GABRA3: variants seen among roughly 807,000 people sequenced by gnomAD.
GABRA3 encodes gamma-aminobutyric acid receptor subunit alpha-3.
In GABRA3, 10 loss-of-function variants were observed where a neutral mutation model predicts 30.1. The observed-to-expected ratio is 0.33, with a 90% CI of 0.20 to 0.56. The LOEUF is 0.56. Ranked by LOEUF, GABRA3 falls within the 20% of genes least tolerant of loss-of-function variation. GABRA3 has a pLI of 0.89. For synonymous variants in GABRA3, 151 were observed against 146.8 expected, an observed-to-expected ratio of 1.03 and a Z score of -0.21; for missense variants, 233 against 392.0, an observed-to-expected ratio of 0.59 and a Z score of 3.42.
chrX:152,448,682 T>A (rs2124557921), intron 1 of GABRA3, among the ~76,000 whole-genome samples: 1 of 112,021 alleles, frequency 8.9e-6, no homozygotes, highest in East Asian at 2.8e-4. Context: ...TTCTGCATAC[T>A]GTATGAACCT....
chrX:152,318,512 G>A (rs1301689547), intron 3 of GABRA3, among the ~76,000 whole-genome samples: 1 of 110,357 alleles, frequency 9.1e-6, no homozygotes, highest in African/African-American at 3.3e-5. Context: ...ACCAGAAGAG[G>A]ACATAACAAA....
intron 1 of GABRA3, among the ~76,000 whole-genome samples, chrX:152,403,360 CA>C (rs548064240): frequency 6.3e-4 from 69 of 109,720 alleles, no homozygotes; most frequent in South Asian, 2.0e-3. Context: ...TTCATATTAG[CA>C]AAAAAACTAT....
At chrX:152,275,216 A>ATATATATACTT (rs1569378249) in intron 4 of GABRA3, among the ~76,000 whole-genome samples, 1 of 49,650 alleles carries the variant, frequency 2.0e-5, no homozygotes, top group African/African-American at 1.3e-4. Flanking sequence ...ATATAATATT[A>ATATATATACTT]TATATATATA....
At chrX:152,172,951 T>TACACACACACACACAC (rs58184376) in intron 9 of GABRA3, among the ~76,000 whole-genome samples, 1 of 102,588 alleles carries the variant, frequency 9.7e-6, no homozygotes, top group Non-Finnish European at 2.0e-5. Context: ...CGAGTATGTG[T>TACACACACACACACAC]ACACACACAC....
chrX:152,403,480 C>A (rs1289374777), intron 1 of GABRA3, among the ~76,000 whole-genome samples: 2 of 110,360 alleles, frequency 1.8e-5, no homozygotes, highest in African/African-American at 6.6e-5. Context: ...CTTTATATAA[C>A]AGACCAACTC....
At chrX:152,235,183 C>G (rs1379239698) in intron 5 of GABRA3, among the ~76,000 whole-genome samples, 1 of 111,488 alleles carries the variant, frequency 9.0e-6, no homozygotes, top group East Asian at 2.8e-4. Context: ...GATCTTTCAC[C>G]TCCTTGGTTA....
At chrX:152,297,526 A>T (rs1939552393) in intron 3 of GABRA3, among the ~76,000 whole-genome samples, 1 of 111,893 alleles carries the variant, frequency 8.9e-6, no homozygotes. Flanking sequence ...CCCTACACTT[A>T]TTATTGGTTA....
chrX:152,216,373 T>C (rs1937720877), intron 6 of GABRA3, among the ~76,000 whole-genome samples: 1 of 92,372 alleles, frequency 1.1e-5, no homozygotes, highest in East Asian at 3.4e-4. Context: ...AATAAGAAAA[T>C]GTTATATAAT....
chrX:152,403,355 A>T (rs1306647182), intron 1 of GABRA3, among the ~76,000 whole-genome samples: 1 of 111,626 alleles, frequency 9.0e-6, no homozygotes, highest in Non-Finnish European at 1.9e-5. Flanking sequence ...AGCCATTCAT[A>T]TTAGCAAAAA....
At chrX:152,404,687 C>A (rs936082074) in intron 1 of GABRA3, among the ~76,000 whole-genome samples, 1 of 108,349 alleles carries the variant, frequency 9.2e-6, no homozygotes, top group Admixed American at 1.0e-4. Context: ...GGAGTCTAGA[C>A]CCCAAACCCT....
At chrX:152,182,825 CATAT>C (rs1267407296) in intron 9 of GABRA3, among the ~76,000 whole-genome samples, 1 of 55,748 alleles carries the variant, frequency 1.8e-5, no homozygotes, top group Non-Finnish European at 3.4e-5. Context: ...CATATATATA[CATAT>C]ATATAGTATA....
At chrX:152,173,594 G>C (rs1283560491) in intron 9 of GABRA3, among the ~76,000 whole-genome samples, 1 of 110,011 alleles carries the variant, frequency 9.1e-6, no homozygotes, top group Non-Finnish European at 1.9e-5. Flanking sequence ...TTACAGGCAT[G>C]TGCCACCGCT....
At chrX:152,343,690 T>C (rs891746506) in intron 3 of GABRA3, among the ~76,000 whole-genome samples, 1 of 111,895 alleles carries the variant, frequency 8.9e-6, no homozygotes, top group African/African-American at 3.2e-5. Context: ...CGCTCTACTC[T>C]AATCCATTAT....
intron 4 of GABRA3, among the ~76,000 whole-genome samples, chrX:152,270,301 A>T (rs922596361): frequency 1.8e-5 from 2 of 111,512 alleles, no homozygotes; most frequent in Middle Eastern, 4.2e-3. Context: ...CATGTGAAGA[A>T]GGACGTGTTT....
chrX:152,170,792 T>C (rs758884592), intron 9 of GABRA3, among the ~76,000 whole-genome samples: 1 of 112,289 alleles, frequency 8.9e-6, no homozygotes, highest in Non-Finnish European at 1.9e-5. Context: ...TTTTCAGTCA[T>C]GGACGGGAAG....
intron 3 of GABRA3, among the ~76,000 whole-genome samples, chrX:152,330,593 G>A (rs764996844): frequency 4.6e-5 from 5 of 109,420 alleles, no homozygotes; most frequent in Middle Eastern, 9.5e-3. Flanking sequence ...GCAAACTATC[G>A]CAAGGACAGA....
At chrX:152,365,860 G>A (rs1363032983) in intron 1 of GABRA3, among the ~76,000 whole-genome samples, 3 of 111,737 alleles carry the variant, frequency 2.7e-5, no homozygotes, top group African/African-American at 6.5e-5. Flanking sequence ...CAATGGAGAA[G>A]ACAGACTTCT....
At chrX:152,328,006 T>C (rs1339215918) in intron 3 of GABRA3, among the ~76,000 whole-genome samples, 3 of 110,941 alleles carry the variant, frequency 2.7e-5, no homozygotes, top group South Asian at 3.8e-4. Flanking sequence ...CGATAAAAAA[T>C]GATAAAGGGG....
chrX:152,275,216 A>ATATATATAATTTATATATATTTAATAT lies in GABRA3; in HGVS notation c.330+9451_330+9452insATATTAAATATATATAAATTATATATA, dbSNP rs1569378249. 4.4e-4 allele frequency among the ~76,000 whole-genome samples: 22 copies of ATATATATAATTTATATATATTTAATAT among 49,619 alleles called. 1 individual carries two copies. Among genetic ancestry groups the ATATATATAATTTATATATATTTAATAT allele is most frequent in the East Asian group, 1.6e-3 (3 of 1,905 alleles). 43.1% of individuals were successfully genotyped at this position (49,619 alleles called of 115,157 possible). The stretch of plus-strand genomic sequence containing the variant: ...ATATATAATTTATATATATAATATT[A>ATATATATAATTTATATATATTTAATAT]TATATATATAATTTATATATATTTT... On this transcript the variant is annotated intron_variant, in intron 4 of 9. Coordinates refer to ENST00000370314, the MANE Select transcript of GABRA3 (RefSeq NM_000808.4).
Sources: gnomAD v4.1 joint callset for allele counts (sites outside exome capture counted in the v4.1 genomes callset) on GRCh38, gnomAD v4.1.1 for gene constraint, MANE v1.5 for transcripts, NCBI Gene and HGNC (gene_info 2026-07-23, HGNC 2026-07-21) for gene names.